The following NRXN1 variants were observed in gnomAD, a reference collection of about 807,000 sequenced individuals.
The protein encoded by NRXN1 is neurexin 1.
A neutral mutation model predicts 150.9 loss-of-function variants in NRXN1; 39 were observed. The observed-to-expected ratio is 0.26, with a 90% CI of 0.20 to 0.34. The LOEUF (loss-of-function observed/expected upper bound fraction) is 0.34, where lower values mean the gene tolerates loss of function less well. Ranked by LOEUF, NRXN1 falls within the 10% of genes least tolerant of loss-of-function variation. The pLI is 1.00. For missense variants in NRXN1, 1,815 were observed against 1,949.9 expected (o/e 0.93, Z 1.30); for synonymous variants, 924 against 757.0 (o/e 1.22, Z -3.62).
At chr2:50,546,863 A>G (rs541615544) in intron 9 of NRXN1, among the ~76,000 whole-genome samples, 2 of 152,334 alleles carry the variant, frequency 1.3e-5, no homozygotes, top group East Asian at 1.9e-4. Context: ...TTCAATGTAT[A>G]TAACAGGCTA....
intron 17 of NRXN1, among the ~76,000 whole-genome samples, chr2:50,296,162 C>T (rs1163384637): frequency 6.6e-6 from 1 of 152,134 alleles, no homozygotes; most frequent in Non-Finnish European, 1.5e-5. Flanking sequence ...GATAAGTAAT[C>T]ATTTTAGATA....
At chr2:50,146,850 G>A (rs1574161503) in intron 18 of NRXN1, among the ~76,000 whole-genome samples, 1 of 151,454 alleles carries the variant, frequency 6.6e-6, no homozygotes, top group Non-Finnish European at 1.5e-5. Flanking sequence ...TCATACTTAG[G>A]TCAGTCTTCT....
intron 18 of NRXN1, among the ~76,000 whole-genome samples, chr2:50,235,828 C>T (rs373764510): frequency 6.6e-6 from 1 of 151,968 alleles, no homozygotes; most frequent in Non-Finnish European, 1.5e-5. Flanking sequence ...GGGAGACTTA[C>T]CTGTTTCTTC....
intron 2 of NRXN1, chr2:50,964,068 G>GTT (rs1231066156): frequency 2.6e-6 from 1 of 380,142 alleles, no homozygotes; most frequent in Non-Finnish European, 5.2e-6. Flanking sequence ...AAGGTATTAA[G>GTT]ATCCAGTTAT....
chr2:49,993,053 G>T (rs1682287878), intron 21 of NRXN1, among the ~76,000 whole-genome samples: 1 of 152,148 alleles, frequency 6.6e-6, no homozygotes, highest in African/African-American at 2.4e-5. Flanking sequence ...CAATCACTCT[G>T]CTTGGTATTT....
intron 18 of NRXN1, 67 bp from the exon 19 acceptor site, chr2:50,091,561 T>C: frequency 1.3e-6 from 2 of 1,516,956 alleles, no homozygotes; most frequent in South Asian, 1.1e-5. Flanking sequence ...AAAGATTACA[T>C]ACAAGGTATT....
intron 2 of NRXN1, among the ~76,000 whole-genome samples, chr2:51,018,424 G>A (rs539015588): frequency 6.6e-6 from 1 of 152,134 alleles, no homozygotes; most frequent in African/African-American, 2.4e-5. Context: ...TGGCTTGCCA[G>A]GTCAGACTTA....
chr2:50,221,793 T>C (rs567225511), intron 18 of NRXN1, among the ~76,000 whole-genome samples: 3 of 152,014 alleles, frequency 2.0e-5, no homozygotes, highest in Admixed American at 6.6e-5. Flanking sequence ...ACATATGAGT[T>C]ACTCCCTTGA....
At chr2:50,826,985 C>T (rs1670539787) in intron 5 of NRXN1, among the ~76,000 whole-genome samples, 1 of 152,078 alleles carries the variant, frequency 6.6e-6, no homozygotes, top group African/African-American at 2.4e-5. Flanking sequence ...CAAGAAAGGC[C>T]AAGAAGAGCA....
chr2:50,845,059 T>C (rs1673442086), intron 5 of NRXN1, among the ~76,000 whole-genome samples: 2 of 151,924 alleles, frequency 1.3e-5, no homozygotes, highest in South Asian at 2.1e-4. Context: ...CTCCCCCATA[T>C]TGCCCAGGCT....
At chr2:50,455,906 A>G (rs189528702) in intron 17 of NRXN1, among the ~76,000 whole-genome samples, 2 of 152,216 alleles carry the variant, frequency 1.3e-5, no homozygotes, top group East Asian at 3.9e-4. Context: ...TCTACCTAGA[A>G]CTCTTAACAA....
intron 17 of NRXN1, among the ~76,000 whole-genome samples, chr2:50,241,926 A>G (rs975850595): frequency 5.9e-5 from 9 of 151,776 alleles, no homozygotes; most frequent in Non-Finnish European, 1.0e-4. Flanking sequence ...GGTCTGCTCA[A>G]TTATTGGTTG....
At position 50,334,712 on chromosome 2, in the gene NRXN1, A is replaced by G. The variant is rs561607422; in HGVS notation, c.3365-97742T>C. Among the ~76,000 whole-genome samples, 152 of 152,326 alleles carry G rather than the reference A, an allele frequency of 1.0e-3. 2 individuals carry two copies. Among genetic ancestry groups the G allele is most frequent in the Middle Eastern group, 3.4e-3 (1 of 294 alleles). On this transcript the variant is annotated intron_variant, in intron 17 of 22. Coordinates refer to ENST00000401669, the MANE Select transcript of NRXN1 (RefSeq NM_001330078.2). ...AGAGGAGCCAGGCAATGCTTTCTCC[A>G]GGGATACTTTTCACTATTATCTGTT...
intron 17 of NRXN1, among the ~76,000 whole-genome samples, chr2:50,350,075 T>G (rs1192573241): frequency 6.6e-6 from 1 of 152,174 alleles, no homozygotes; most frequent in East Asian, 1.9e-4. Flanking sequence ...ACTGAACCAT[T>G]GCTCCCATGG....
chr2:50,985,649 T>C (rs952295892), intron 2 of NRXN1, among the ~76,000 whole-genome samples: 5 of 151,430 alleles, frequency 3.3e-5, no homozygotes, highest in African/African-American at 4.8e-5. Context: ...GAATGAGAAA[T>C]AGTCAAATAA....
chr2:50,252,258 C>CTTTTTTTTTTTTTTTTTTTTTTTTTTTTT (rs143522284), intron 17 of NRXN1, among the ~76,000 whole-genome samples: 2 of 69,708 alleles, frequency 2.9e-5, no homozygotes, highest in Non-Finnish European at 5.0e-5. Context: ...TTTTTCTTTT[C>CTTTTTTTTTTTTTTTTTTTTTTTTTTTTT]TTTTTTTTTT....
chr2:49,941,264 G>A (rs976316519), intron 22 of NRXN1, among the ~76,000 whole-genome samples: 1 of 151,400 alleles, frequency 6.6e-6, no homozygotes, highest in Admixed American at 6.6e-5. Flanking sequence ...CTGGAGTATG[G>A]CAATTAATAA....
chr2:50,456,498 A>G (rs1243585418), intron 17 of NRXN1, among the ~76,000 whole-genome samples: 1 of 152,148 alleles, frequency 6.6e-6, no homozygotes, highest in South Asian at 2.1e-4. Context: ...AAAGAATTCT[A>G]TACTTTTTAA....
At chr2:50,559,942 T>C (rs1002622726) in intron 8 of NRXN1, among the ~76,000 whole-genome samples, 2 of 152,178 alleles carry the variant, frequency 1.3e-5, no homozygotes, top group Non-Finnish European at 2.9e-5. Flanking sequence ...CATATAAAGT[T>C]GGTGCTTTCC....
Sources: allele counts gnomAD v4.1 joint callset (sites outside exome capture counted in the v4.1 genomes callset), GRCh38; gene constraint gnomAD v4.1.1; transcripts MANE v1.5; gene names NCBI Gene and HGNC (gene_info 2026-07-23, HGNC 2026-07-21).